The following PRKD1 variants were observed in gnomAD, a reference collection of about 807,000 sequenced individuals.
PRKD1 encodes the protein serine/threonine-protein kinase D1.
PRKD1 carries 63 observed loss-of-function variants against 95.9 expected under a neutral mutation model. That is an observed-to-expected ratio of 0.66 (90% CI 0.54 to 0.81). The LOEUF (loss-of-function observed/expected upper bound fraction) is 0.81. Ranked by LOEUF, PRKD1 falls within the 30% of genes least tolerant of loss-of-function variation. The probability of loss-of-function intolerance (pLI) is 0.00; values close to 1 mark genes in which losing one functional copy is unlikely to be tolerated. For synonymous variants in PRKD1, 425 were observed against 423.1 expected (o/e 1.00, Z -0.05); for missense variants, 1,048 against 1,165.3 (o/e 0.90, Z 1.47).
At chr14:29,888,281 GAAGAAAGA>G (rs1243009653) in intron 1 of PRKD1, among the ~76,000 whole-genome samples, 7 of 150,940 alleles carry the variant, frequency 4.6e-5, no homozygotes, top group Non-Finnish European at 8.9e-5. Flanking sequence ...GACAGAGCGA[GAAGAAAGA>G]AAGAGAGAAA....
Position 29,878,922 on chromosome 14 carries a change from A to T in PRKD1, c.264+48327T>A, listed in dbSNP as rs191931529. 5.2e-3 allele frequency among the ~76,000 whole-genome samples: 794 copies of T among 152,340 alleles called. 9 individuals carry two copies. Among genetic ancestry groups the T allele is most frequent in the Middle Eastern group, 0.024 (7 of 294 alleles). On this transcript the variant is annotated intron_variant, in intron 1 of 17. Coordinates refer to ENST00000331968, the MANE Select transcript of PRKD1 (RefSeq NM_002742.3). The stretch of plus-strand genomic sequence containing the variant: ...ATTTATACTATGTATCTCTCATTAC[A>T]ATAGAAAATTTTAATAAAATACATG...
chr14:29,599,563 G>T, intron 14 of PRKD1, 93 bp downstream of exon 14: 1 of 1,205,654 alleles, frequency 8.3e-7, no homozygotes. Context: ...CTGGAGGTAG[G>T]GACTAAACAA....
chr14:29,877,205 G>A (rs1373276815), intron 1 of PRKD1, among the ~76,000 whole-genome samples: 1 of 152,142 alleles, frequency 6.6e-6, no homozygotes, highest in Non-Finnish European at 1.5e-5. Flanking sequence ...AGAATAACAA[G>A]TGTTGACAAG....
At chr14:29,666,517 C>T (rs1377340621) in intron 2 of PRKD1, among the ~76,000 whole-genome samples, 1 of 151,832 alleles carries the variant, frequency 6.6e-6, no homozygotes, top group African/African-American at 2.4e-5. Flanking sequence ...TTTACAAACA[C>T]CTGATGATAC....
chr14:29,629,394 G>C (rs549017989), intron 10 of PRKD1, among the ~76,000 whole-genome samples: 20 of 152,114 alleles, frequency 1.3e-4, no homozygotes, highest in Non-Finnish European at 1.3e-4. Context: ...ACTTAACCTC[G>C]CTCGAGAGAC....
intron 1 of PRKD1, among the ~76,000 whole-genome samples, chr14:29,853,734 C>T (rs2139343597): frequency 6.6e-6 from 1 of 152,320 alleles, no homozygotes; most frequent in African/African-American, 2.4e-5. Context: ...CAAATCTCAT[C>T]TTGTAGCTCC....
chr14:29,718,228 T>C (rs1885721122), intron 2 of PRKD1, among the ~76,000 whole-genome samples: 2 of 152,176 alleles, frequency 1.3e-5, no homozygotes, highest in Admixed American at 6.6e-5. Flanking sequence ...GGTTAAATTA[T>C]GGAGGTGGTT....
At chr14:29,651,451 C>A (rs1275305318) in intron 4 of PRKD1, among the ~76,000 whole-genome samples, 1 of 152,130 alleles carries the variant, frequency 6.6e-6, no homozygotes, top group African/African-American at 2.4e-5. Flanking sequence ...AGAAGGAATT[C>A]ATCTGATTAG....
At chr14:29,836,246 T>C (rs951002867) in intron 1 of PRKD1, among the ~76,000 whole-genome samples, 4 of 152,244 alleles carry the variant, frequency 2.6e-5, no homozygotes, top group Non-Finnish European at 4.4e-5. Flanking sequence ...GAGCTCAGAC[T>C]GAGGTTCTGG....
At chr14:29,809,109 T>C (rs999973399) in intron 1 of PRKD1, among the ~76,000 whole-genome samples, 1 of 152,222 alleles carries the variant, frequency 6.6e-6, no homozygotes, top group East Asian at 1.9e-4. Flanking sequence ...AGGTGCATTG[T>C]CAACGAAAAA....
intron 1 of PRKD1, among the ~76,000 whole-genome samples, chr14:29,900,986 G>A (rs554186096): frequency 1.1e-4 from 16 of 152,014 alleles, no homozygotes; most frequent in Non-Finnish European, 2.1e-4. Context: ...CCTCCTACTG[G>A]GTATATGCCC....
At chr14:29,733,326 T>A (rs932936414) in intron 1 of PRKD1, among the ~76,000 whole-genome samples, 2 of 152,002 alleles carry the variant, frequency 1.3e-5, no homozygotes, top group Non-Finnish European at 2.9e-5. Context: ...ATGATCTCCA[T>A]CTCCTGGCCT....
At chr14:29,754,847 T>A (rs1345535531) in intron 1 of PRKD1, among the ~76,000 whole-genome samples, 1 of 152,144 alleles carries the variant, frequency 6.6e-6, no homozygotes, top group Non-Finnish European at 1.5e-5. Flanking sequence ...GTATTTTTTA[T>A]CCAACTGATA....
intron 3 of PRKD1, among the ~76,000 whole-genome samples, chr14:29,664,711 A>G (rs984231940): frequency 6.6e-6 from 1 of 152,192 alleles, no homozygotes; most frequent in Non-Finnish European, 1.5e-5. Flanking sequence ...TGCCCTCCCA[A>G]TCCAAAGAGA....
chr14:29,782,588 T>C (rs1889095937), intron 1 of PRKD1, among the ~76,000 whole-genome samples: 1 of 152,130 alleles, frequency 6.6e-6, no homozygotes, highest in South Asian at 2.1e-4. Context: ...CTAGATGCGG[T>C]GGTGCTATCA....
At chr14:29,725,217 T>G (rs2139393361) in intron 2 of PRKD1, among the ~76,000 whole-genome samples, 1 of 152,250 alleles carries the variant, frequency 6.6e-6, no homozygotes, top group South Asian at 2.1e-4. Context: ...TCACTGTTGG[T>G]GAGTTTCTTG....
chr14:29,774,817 T>C lies in PRKD1; in HGVS notation c.265-49143A>G, dbSNP rs964491899. On this transcript the variant is annotated intron_variant, in intron 1 of 17. Transcript: ENST00000331968. ...CTCACATTTACTTCATTCCAAAGCT[T>C]CAAACAGTTAGGAGATACTAAGAAA... 3.3e-5 allele frequency among the ~76,000 whole-genome samples: 5 copies of C among 152,158 alleles called. No homozygotes were observed. In the South Asian group the frequency reaches 1.0e-3, roughly 32 times the overall value.
chr14:29,768,444 C>T (rs781748950), intron 1 of PRKD1, among the ~76,000 whole-genome samples: 10 of 152,102 alleles, frequency 6.6e-5, no homozygotes, highest in Non-Finnish European at 2.9e-5. Context: ...AATTTTGTTA[C>T]AGTTTGAGAT....
intron 1 of PRKD1, among the ~76,000 whole-genome samples, chr14:29,871,344 A>G (rs900291023): frequency 6.6e-6 from 1 of 152,248 alleles, no homozygotes; most frequent in Admixed American, 6.5e-5. Context: ...AAACTATACA[A>G]TTTGACTTTA....
Sources: allele counts gnomAD v4.1 joint callset (sites outside exome capture counted in the v4.1 genomes callset), GRCh38; gene constraint gnomAD v4.1.1; transcripts MANE v1.5; gene names NCBI Gene and HGNC (gene_info 2026-07-23, HGNC 2026-07-21).